PPP4R1: variants seen among roughly 807,000 people sequenced by gnomAD.
PPP4R1 encodes serine/threonine-protein phosphatase 4 regulatory subunit 1.
PPP4R1 carries 42 observed loss-of-function variants against 111.2 expected under a neutral mutation model. That is an observed-to-expected ratio of 0.38 (90% CI 0.29 to 0.49). The LOEUF is 0.49. Among genes scored for constraint, PPP4R1 ranks in the 20% least tolerant of loss-of-function variants. PPP4R1 has a pLI of 0.97. For missense variants in PPP4R1, 1,012 were observed against 1,161.6 expected, an observed-to-expected ratio of 0.87 and a Z score of 1.87; for synonymous variants, 409 against 405.5, an observed-to-expected ratio of 1.01 and a Z score of -0.10.
At position 9,570,255 on chromosome 18, in the gene PPP4R1, G is replaced by A. The variant is rs761481357; in HGVS notation, c.1475C>T (p.Pro492Leu). 5 of 1,608,320 alleles carry A rather than the reference G, an allele frequency of 3.1e-6. No homozygotes were observed. The African/African-American group carries it at 4.0e-5, about 13-fold the overall frequency. The change falls in exon 11 of 20, where the codon CCT becomes CTT. Residue 492 changes from proline (P) to leucine (L), a missense_variant. Pro to Leu is a moderately conservative substitution (Grantham distance 98, BLOSUM62 -3). Around this residue, in one of 2 missense-constraint regions of PPP4R1, gnomAD observed 707 missense variants for 742.1 expected, o/e 0.95. Coordinates refer to ENST00000400556, the MANE Select transcript of PPP4R1 (RefSeq NM_001042388.3). ...PEGPEEESEG[P>L]VPSSPNITMA... ...GGTGATGTTTGGAGAACTGGGCACA[G>A]GGCCCTCAGATTCTTCCTCTGGTCC...
chr18:9,610,975 TC>T (rs970017519), intron 2 of PPP4R1, among the ~76,000 whole-genome samples: 1 of 152,002 alleles, frequency 6.6e-6, no homozygotes, highest in African/African-American at 2.4e-5. Context: ...ACCAACCTTT[TC>T]CCCGACTCTG....
intron 9 of PPP4R1, among the ~76,000 whole-genome samples, chr18:9,578,658 A>G (rs530120166): frequency 1.3e-5 from 2 of 152,284 alleles, no homozygotes; most frequent in East Asian, 3.9e-4. Context: ...GATATCTATT[A>G]TTAGTATTTA....
chr18:9,603,484 T>C (rs1361516133), intron 2 of PPP4R1, among the ~76,000 whole-genome samples: 1 of 152,194 alleles, frequency 6.6e-6, no homozygotes, highest in Non-Finnish European at 1.5e-5. Context: ...AGTTTTATAT[T>C]AACGGGAAAT....
At chr18:9,572,580 T>C (rs1030007038) in intron 10 of PPP4R1, among the ~76,000 whole-genome samples, 3 of 152,210 alleles carry the variant, frequency 2.0e-5, no homozygotes, top group African/African-American at 4.8e-5. Flanking sequence ...AGCATCTGTG[T>C]GCCTTTAAAT....
At chr18:9,567,304 T>C (rs1273222857) in intron 11 of PPP4R1, among the ~76,000 whole-genome samples, 1 of 151,834 alleles carries the variant, frequency 6.6e-6, no homozygotes, top group Non-Finnish European at 1.5e-5. Context: ...AAATTAGGAG[T>C]GGAGCTTGAA....
At chr18:9,567,876 A>G (rs2066794623) in intron 11 of PPP4R1, among the ~76,000 whole-genome samples, 5 of 152,190 alleles carry the variant, frequency 3.3e-5, no homozygotes, top group Admixed American at 3.3e-4. Flanking sequence ...GCATCCACCA[A>G]CATTGAAGCA....
rs140312633 is a variant in PPP4R1, at chr18:9,611,801, C to T, written c.52+2425G>A. Among the ~76,000 whole-genome samples the T allele has an allele frequency of 8.2e-3, 1,249 of 152,072 alleles. 17 individuals are homozygous for T. Among genetic ancestry groups the T allele is most frequent in the African/African-American group, 0.028 (1,178 of 41,388 alleles). On this transcript the variant is annotated intron_variant, in intron 2 of 19. Transcript: ENST00000400556. Reference sequence around the variant, plus strand: ...CCAAGGCAGGTGGATCACCTGAGGTCGGGAGTTCGAGACCAGCCTGATCAA... The same window carrying T: ...CCAAGGCAGGTGGATCACCTGAGGTTGGGAGTTCGAGACCAGCCTGATCAA...
At chr18:9,566,252 G>A (rs2066763092) in intron 11 of PPP4R1, among the ~76,000 whole-genome samples, 1 of 152,024 alleles carries the variant, frequency 6.6e-6, no homozygotes, top group African/African-American at 2.4e-5. Context: ...ATTGGAAGAA[G>A]ATGCCATCTA....
chr18:9,606,452 T>C (rs1242540801), intron 2 of PPP4R1, among the ~76,000 whole-genome samples: 1 of 152,224 alleles, frequency 6.6e-6, no homozygotes, highest in Non-Finnish European at 1.5e-5. Flanking sequence ...ATTTGGCCTT[T>C]TACAGGGACC....
At chr18:9,607,864 C>A (rs903469404) in intron 2 of PPP4R1, among the ~76,000 whole-genome samples, 1 of 150,040 alleles carries the variant, frequency 6.7e-6, no homozygotes, top group Non-Finnish European at 1.5e-5. Flanking sequence ...CTCACTGCAA[C>A]CTCTGCCTCC....
At chr18:9,611,284 A>C (rs1168267250) in intron 2 of PPP4R1, among the ~76,000 whole-genome samples, 1 of 152,152 alleles carries the variant, frequency 6.6e-6, no homozygotes, top group African/African-American at 2.4e-5. Context: ...GTTGGGCTCC[A>C]TACTCTGGAG....
chr18:9,561,266 T>A (rs1251572099), intron 13 of PPP4R1, among the ~76,000 whole-genome samples: 2 of 144,502 alleles, frequency 1.4e-5, no homozygotes, highest in Non-Finnish European at 1.5e-5. Context: ...AATAATAAAG[T>A]CATAGAAGCA....
At chr18:9,614,690 C>CT (rs1361528569), upstream of PPP4R1, 1 of 144,348 alleles carries the variant, frequency 6.9e-6, no homozygotes, top group East Asian at 2.1e-4. The surrounding 1 kb of genome is among the most constrained non-coding windows in gnomAD (Gnocchi z 4.1). Context: ...CGGCCGCGCC[C>CT]CGCCCCGCCC....
chr18:9,600,383 G>C (rs2067361827), intron 2 of PPP4R1, among the ~76,000 whole-genome samples: 1 of 151,658 alleles, frequency 6.6e-6, no homozygotes, highest in African/African-American at 2.4e-5. Flanking sequence ...ATAAATAGCA[G>C]AATCACAGAC....
intron 14 of PPP4R1, among the ~76,000 whole-genome samples, chr18:9,557,813 TC>T (rs1392120668): frequency 2.0e-5 from 3 of 152,128 alleles, no homozygotes; most frequent in Non-Finnish European, 2.9e-5. Context: ...ATACATAATT[TC>T]CTGTAGCACT....
intron 2 of PPP4R1, among the ~76,000 whole-genome samples, chr18:9,600,196 C>CAAA (rs57840721): frequency 9.2e-6 from 1 of 109,286 alleles, no homozygotes; most frequent in Non-Finnish European, 1.9e-5. Context: ...TTCTATTTCC[C>CAAA]AAAAAAAAAA....
intron 11 of PPP4R1, among the ~76,000 whole-genome samples, chr18:9,569,371 C>T (rs572579332): frequency 1.3e-5 from 2 of 152,134 alleles, no homozygotes; most frequent in Admixed American, 6.5e-5. Context: ...CCCCCACGCC[C>T]GAGACAGAGT....
chr18:9,573,995 T>C (rs1014020413), intron 10 of PPP4R1, among the ~76,000 whole-genome samples: 2 of 152,206 alleles, frequency 1.3e-5, no homozygotes, highest in African/African-American at 4.8e-5. Flanking sequence ...GTCGAAAGTA[T>C]AAATTCTCTA....
At chr18:9,615,784 A>G (rs1208426783), upstream of PPP4R1, among the ~76,000 whole-genome samples, 1 of 152,234 alleles carries the variant, frequency 6.6e-6, no homozygotes, top group Admixed American at 6.5e-5. Context: ...TCTACGTTGT[A>G]GTCTTGACCA....
Sources: gnomAD v4.1 joint callset for allele counts (sites outside exome capture counted in the v4.1 genomes callset) on GRCh38, gnomAD v4.1.1 for gene constraint, gnomAD v4.1.1 regional missense constraint, Gnocchi (gnomAD v3.1) non-coding constraint, MANE v1.5 for transcripts, NCBI Gene and HGNC (gene_info 2026-07-23, HGNC 2026-07-21) for gene names.